The following C4orf36 variants were observed in gnomAD, a reference collection of about 807,000 sequenced individuals.
C4orf36 encodes uncharacterized protein C4orf36.
C4orf36 carries 11 observed loss-of-function variants against 12.2 expected under a neutral mutation model. The observed-to-expected ratio is 0.90, with a 90% CI of 0.57 to 1.49. The LOEUF (loss-of-function observed/expected upper bound fraction) is 1.49, where lower values mean the gene tolerates loss of function less well. C4orf36 is among the 40% of genes most tolerant of loss of function. The pLI, the probability that C4orf36 is intolerant of heterozygous loss-of-function variation, is 0.00. For synonymous variants in C4orf36, 54 were observed against 51.3 expected (o/e 1.05, Z -0.22); for missense variants, 137 against 133.9 (o/e 1.02, Z -0.11).
the C4orf36 span, among the ~76,000 whole-genome samples, chr4:86,924,355 A>G: frequency 1.3e-5 from 2 of 152,172 alleles, no homozygotes; most frequent in Non-Finnish European, 2.9e-5. Flanking sequence ...GTGCATCGGC[A>G]CACCTGGCTA....
the C4orf36 span, among the ~76,000 whole-genome samples, chr4:86,920,596 C>A: frequency 1.3e-5 from 2 of 152,218 alleles, no homozygotes; most frequent in Admixed American, 1.3e-4. Context: ...AGATTGTGAG[C>A]CTTCATCTGG....
chr4:86,911,328 TA>T, the C4orf36 span, among the ~76,000 whole-genome samples: 1 of 152,196 alleles, frequency 6.6e-6, no homozygotes, highest in Non-Finnish European at 1.5e-5. Flanking sequence ...TTTTGTGGAA[TA>T]AAATCAGATT....
At chr4:86,919,315 C>CCT in the C4orf36 span, among the ~76,000 whole-genome samples, 2 of 81,354 alleles carry the variant, frequency 2.5e-5, no homozygotes, top group Non-Finnish European at 4.2e-5. Flanking sequence ...TTTTTTCCCC[C>CCT]TTTTTTTTTT....
the C4orf36 span, chr4:86,914,279 C>T: frequency 1.2e-6 from 2 of 1,602,104 alleles, no homozygotes; most frequent in African/African-American, 1.3e-5. Context: ...TGTGGTCTGC[C>T]CCACAAGTGA....
At chr4:86,913,201 C>T in the C4orf36 span, 2 of 463,062 alleles carry the variant, frequency 4.3e-6, no homozygotes, top group East Asian at 5.0e-5. Context: ...TGCCACAGCA[C>T]AGCTGTGATC....
the C4orf36 span, chr4:86,914,462 A>T: frequency 1.8e-6 from 1 of 560,972 alleles, no homozygotes; most frequent in Non-Finnish European, 3.0e-6. Context: ...GTGCAGTGGC[A>T]CGATCTCAGC....
At chr4:86,876,520 TGTC>T (rs1746932614) in intron 4 of C4orf36, 77 bp from the exon 5 acceptor site, 3 of 1,613,870 alleles carry the variant, frequency 1.9e-6, no homozygotes, top group Non-Finnish European at 2.5e-6. Flanking sequence ...AGATTAGAAA[TGTC>T]GGATTGTGTG....
At chr4:86,888,382 G>C (rs1747266284) in intron 2 of C4orf36, 107 bp from the exon 3 acceptor site, 1 of 1,086,380 alleles carries the variant, frequency 9.2e-7, no homozygotes, top group South Asian at 1.6e-5. Flanking sequence ...AGACATTTTG[G>C]TTTATGGGTG....
chr4:86,935,287 GC>G, the C4orf36 span: 1 of 152,544 alleles, frequency 6.6e-6, no homozygotes, highest in Non-Finnish European at 1.5e-5. Flanking sequence ...GATCCGCCCG[GC>G]CCCCGACGCC....
the C4orf36 span, among the ~76,000 whole-genome samples, chr4:86,899,100 T>C: frequency 2.0e-5 from 3 of 152,152 alleles, no homozygotes; most frequent in South Asian, 6.2e-4. Context: ...CAAAAATAAA[T>C]ACAGAACTTC....
the C4orf36 span, among the ~76,000 whole-genome samples, chr4:86,922,475 G>A: frequency 2.0e-5 from 3 of 152,262 alleles, no homozygotes; most frequent in Non-Finnish European, 4.4e-5. Context: ...TCTTTTTCTT[G>A]TTTGGAGTTA....
At chr4:86,929,468 C>A in the C4orf36 span, among the ~76,000 whole-genome samples, 3 of 152,164 alleles carry the variant, frequency 2.0e-5, no homozygotes, top group African/African-American at 7.2e-5. Flanking sequence ...TTAGGGCCAA[C>A]AGAAGAGAAG....
chr4:86,917,455 G>GAAAGA, the C4orf36 span, among the ~76,000 whole-genome samples: 1,370 of 95,380 alleles, frequency 0.014, 29 homozygotes, highest in African/African-American at 0.039. Context: ...AAGAGAAAAA[G>GAAAGA]AAAGAAAGAA....
At chr4:86,893,110 C>T (rs954200073), upstream of C4orf36, among the ~76,000 whole-genome samples, 4 of 152,266 alleles carry the variant, frequency 2.6e-5, no homozygotes, top group South Asian at 6.2e-4. Context: ...TGAGATTCTC[C>T]GCCACGTGAT....
intron 2 of C4orf36, 68 bp downstream of exon 2, chr4:86,891,388 A>T: frequency 6.8e-7 from 1 of 1,467,646 alleles, no homozygotes. Flanking sequence ...CAGTCCTTTT[A>T]TTTAACAAAG....
At chr4:86,895,142 T>C (rs755627650), upstream of C4orf36, among the ~76,000 whole-genome samples, 1 of 152,024 alleles carries the variant, frequency 6.6e-6, no homozygotes, top group Admixed American at 6.6e-5. Context: ...TGAGACCCCA[T>C]CTTTACAGAA....
the C4orf36 span, among the ~76,000 whole-genome samples, chr4:86,912,203 A>T: frequency 6.6e-6 from 1 of 151,800 alleles, no homozygotes; most frequent in Non-Finnish European, 1.5e-5. Context: ...AAACAAACAA[A>T]CAAAACAGAG....
At chr4:86,891,433 TA>T (rs55723875) in intron 2 of C4orf36, 22 bp downstream of exon 2, 1,192,991 of 1,346,040 alleles carry the variant, frequency 0.89, 522,325 homozygotes, top group Non-Finnish European at 0.91. Flanking sequence ...TACCCTGATT[TA>T]AAAAAAAAAA....
chr4:86,935,088 A>C, the C4orf36 span: 1 of 152,084 alleles, frequency 6.6e-6, no homozygotes, highest in Non-Finnish European at 1.5e-5. Flanking sequence ...CCGCAGCTGC[A>C]CCTTTGCCTC....
Sources: allele counts gnomAD v4.1 joint callset (sites outside exome capture counted in the v4.1 genomes callset), GRCh38; gene constraint gnomAD v4.1.1; transcripts MANE v1.5; gene names NCBI Gene and HGNC (gene_info 2026-07-23, HGNC 2026-07-21).